Variants in FLNB observed in about 807,000 individuals in gnomAD.
The protein encoded by FLNB is filamin-B.
Under a neutral mutation model 250.6 loss-of-function variants are expected in FLNB, and 111 were observed. The observed-to-expected ratio is 0.44, with a 90% confidence interval of 0.38 to 0.52. FLNB has a LOEUF of 0.52. Among genes scored for constraint, FLNB ranks in the 20% least tolerant of loss-of-function variants. FLNB has a pLI of 0.00. For missense variants in FLNB, 2,869 were observed against 3,447.8 expected (o/e 0.83, Z 4.20); for synonymous variants, 1,302 against 1,372.1 (o/e 0.95, Z 1.13).
At position 58,119,391 on chromosome 3, in the gene FLNB, C is replaced by A. The variant is rs565681012; in HGVS notation, c.2863+402C>A. Among the ~76,000 whole-genome samples, 5 of 152,210 alleles carry A rather than the reference C, an allele frequency of 3.3e-5. No individual in the cohort carries two copies. The East Asian group carries it at 9.6e-4, about 29-fold the overall frequency. ...TGAGTTTCTAACTGTGCCAGCTATC[C>A]TTGGCAACTGAATCCGCACTAAGGT... is the stretch of plus-strand genomic sequence containing the variant. On this transcript the variant is annotated intron_variant, in intron 19 of 45. Transcript: ENST00000295956.
At chr3:58,056,197 G>T (rs1576643843) in intron 1 of FLNB, among the ~76,000 whole-genome samples, 1 of 151,362 alleles carries the variant, frequency 6.6e-6, no homozygotes. Context: ...CTCCTCCTGG[G>T]TTCAAGGGAT....
chr3:58,017,500 G>T (rs921999319), intron 1 of FLNB, among the ~76,000 whole-genome samples: 13 of 152,118 alleles, frequency 8.5e-5, no homozygotes, highest in African/African-American at 3.1e-4. Context: ...TGATCCGCCC[G>T]CTTTGGCCTC....
chr3:58,107,556 A>G (rs977041580), intron 12 of FLNB, among the ~76,000 whole-genome samples: 8 of 151,716 alleles, frequency 5.3e-5, no homozygotes, highest in Non-Finnish European at 1.0e-4. Context: ...TTTTCTTGCA[A>G]CTCCGGGGAT....
In FLNB at chr3:58,166,683, G is replaced by A. The variant is rs540012075; in HGVS notation, c.7199-1757G>A. Among the ~76,000 whole-genome samples the A allele has an allele frequency of 1.1e-4, 17 of 152,110 alleles. No individual in the cohort carries two copies. The South Asian group carries it at 1.5e-3, about 13-fold the overall frequency. ...AAAAAAATTTAAAAATTAGCCAGGC[G>A]TGGTGGTGCATGCCTGAAGTCCCAG... On this transcript the variant is annotated intron_variant, in intron 43 of 45. Coordinates refer to ENST00000295956, the MANE Select transcript of FLNB (RefSeq NM_001457.4).
rs555058992 is a variant in FLNB, at chr3:58,069,182, T to G, written c.293-7864T>G. On this transcript the variant is annotated intron_variant, in intron 1 of 45. Transcript: ENST00000295956. ...AGGGGCCAGACCCCTGACCCATATG[T>G]GCTGCTCTTTTCTTTCAGGGAGGTC... Among the ~76,000 whole-genome samples, 4 of 150,382 alleles carry G rather than the reference T, an allele frequency of 2.7e-5. No homozygotes were observed. In the East Asian group the frequency reaches 7.8e-4, roughly 29 times the overall value.
At chr3:58,113,282 G>A (rs541033899) in intron 18 of FLNB, among the ~76,000 whole-genome samples, 2 of 152,336 alleles carry the variant, frequency 1.3e-5, no homozygotes, top group Admixed American at 1.3e-4. Context: ...TAATACTTAA[G>A]CCTAGTGTTC....
intron 29 of FLNB, among the ~76,000 whole-genome samples, chr3:58,141,618 G>A (rs547431749): frequency 3.3e-5 from 5 of 152,164 alleles, no homozygotes; most frequent in South Asian, 2.1e-4. Flanking sequence ...GGAGTCTCCC[G>A]CCAGCTTAGG....
At chr3:58,146,729 C>T (rs1334129742) in intron 33 of FLNB, 91 bp from the exon 34 acceptor site, 22 of 1,370,634 alleles carry the variant, frequency 1.6e-5, no homozygotes, top group Non-Finnish European at 2.3e-5. Flanking sequence ...TCCCCAGCAT[C>T]AGGGCTGCCC....
At chr3:58,066,217 C>CT (rs754973485) in intron 1 of FLNB, among the ~76,000 whole-genome samples, 13,711 of 138,164 alleles carry the variant, frequency 0.099, 2,131 homozygotes, top group African/African-American at 0.34. Flanking sequence ...TTCTTTTTTT[C>CT]TTTTTTTTTT....
rs765785887 is a variant in FLNB, at chr3:58,108,573, T to TC, written c.2055+2_2055+3insC. 1 of 1,595,240 alleles carries TC rather than the reference T, an allele frequency of 6.3e-7. No homozygotes were observed. The highest frequency in any genetic ancestry group is 1.1e-5 in the South Asian group (1 of 90,682). ...GCTCCCTTAAAGATATTTGCTCAGG[T>TC]AAATTTCAGGGGGCCACCTGTGCAG... On this transcript the variant is annotated splice_region_variant and intron_variant, in intron 13 of 45. Coordinates refer to ENST00000295956, the MANE Select transcript of FLNB (RefSeq NM_001457.4).
chr3:58,060,211 T>C lies in FLNB; in HGVS notation c.293-16835T>C, dbSNP rs1223636260. 2.6e-5 allele frequency among the ~76,000 whole-genome samples: 4 copies of C among 152,246 alleles called. No homozygotes were observed. The East Asian group carries it at 7.7e-4, about 29-fold the overall frequency. On this transcript the variant is annotated intron_variant, in intron 1 of 45. Transcript: ENST00000295956. Reference sequence around the variant, plus strand: ...GTGGGTGTTTTTTGTTTTTGTTTTTTGGTGGCTTGAAAAACATGCCCAAGG... The same window carrying C: ...GTGGGTGTTTTTTGTTTTTGTTTTTCGGTGGCTTGAAAAACATGCCCAAGG...
chr3:58,124,198 G>A, intron 21 of FLNB, 134 bp from the exon 22 acceptor site: 3 of 889,672 alleles, frequency 3.4e-6, no homozygotes, highest in Non-Finnish European at 5.6e-6. Context: ...CTTGATTTGA[G>A]AGTTAGAAAA....
intron 8 of FLNB, among the ~76,000 whole-genome samples, chr3:58,099,533 C>G (rs1250436309): frequency 6.6e-6 from 1 of 152,110 alleles, no homozygotes; most frequent in East Asian, 1.9e-4. Context: ...CTTTGTTGCC[C>G]CTTTTTTTCT....
At chr3:58,134,844 G>T in intron 27 of FLNB, 72 bp downstream of exon 27, 2 of 1,429,268 alleles carry the variant, frequency 1.4e-6, no homozygotes, top group Non-Finnish European at 2.0e-6. Context: ...TTAAGAACAA[G>T]GGTTTCAATA....
intron 1 of FLNB, among the ~76,000 whole-genome samples, chr3:58,045,493 C>A (rs1335810407): frequency 6.6e-6 from 1 of 152,144 alleles, no homozygotes; most frequent in South Asian, 2.1e-4. Flanking sequence ...AGCTCATCAG[C>A]TATCATTAGT....
chr3:58,117,333 G>A (rs2097280164), intron 18 of FLNB, among the ~76,000 whole-genome samples: 2 of 152,142 alleles, frequency 1.3e-5, no homozygotes. Context: ...TTCTATCTGA[G>A]TTTTTGTTTT....
rs1355660861 is a variant in FLNB at position 58,121,353 on chromosome 3, A to T, written c.2976A>T (p.Leu992=). ...LSPSRKVVPC[L]VTPVTGRENS... Reference sequence around the variant, plus strand: ...CCTCTCGGAAGGTCGTGCCATGCCTAGTGACACCTGTGACAGGCCGGGAGA... The same window carrying T: ...CCTCTCGGAAGGTCGTGCCATGCCTTGTGACACCTGTGACAGGCCGGGAGA... Residue 992 remains leucine, a synonymous_variant, in exon 20 of 46, where the codon CTA becomes CTT. Coordinates refer to ENST00000295956, the MANE Select transcript of FLNB (RefSeq NM_001457.4). The T allele has an allele frequency of 5.0e-6, 8 of 1,613,976 alleles. No homozygotes were observed. Among genetic ancestry groups the T allele is most frequent in the Admixed American group, 1.7e-5 (1 of 59,990 alleles).
rs1484091821 is a variant in FLNB, at chr3:58,132,894, G to A, written c.4477G>A (p.Val1493Ile). 2 of 1,614,108 alleles carry A rather than the reference G, an allele frequency of 1.2e-6. No individual in the cohort carries two copies. The highest frequency in any genetic ancestry group is 1.7e-6 in the Non-Finnish European group (2 of 1,179,998). The part of the protein sequence containing the change: ...YTPSQEGPYM[V>I]SVKYADEEIP... ...CCCATCTCAGGAGGGACCTTACATG[G>A]TCTCAGTTAAATATGCTGATGAAGA... The change falls in exon 26 of 46, where the codon GTC becomes ATC. Residue 1493 changes from valine (V) to isoleucine (I), a missense_variant. Transcript: ENST00000295956.
At chr3:58,011,238 C>G (rs2097098386) in intron 1 of FLNB, among the ~76,000 whole-genome samples, 1 of 152,086 alleles carries the variant, frequency 6.6e-6, no homozygotes, top group African/African-American at 2.4e-5. Flanking sequence ...TTCGAATCCA[C>G]TCAGGCCCTA....
Sources: gnomAD v4.1 joint callset for allele counts (sites outside exome capture counted in the v4.1 genomes callset) on GRCh38, gnomAD v4.1.1 for gene constraint, MANE v1.5 for transcripts, NCBI Gene and HGNC (gene_info 2026-07-23, HGNC 2026-07-21) for gene names.